The following ATG7 variants were observed in gnomAD, a reference collection of about 807,000 sequenced individuals.
The protein encoded by ATG7 is ubiquitin-like modifier-activating enzyme ATG7.
ATG7 carries 70 observed loss-of-function variants against 82.4 expected under a neutral mutation model. That is an observed-to-expected ratio of 0.85 (90% CI 0.70 to 1.04). The LOEUF (loss-of-function observed/expected upper bound fraction) is 1.04, where lower values mean the gene tolerates loss of function less well. ATG7 is among the 50% of genes least tolerant of loss of function. The pLI is 0.00. For missense variants in ATG7, 792 were observed against 864.3 expected, an observed-to-expected ratio of 0.92 and a Z score of 1.05; for synonymous variants, 287 against 313.0, an observed-to-expected ratio of 0.92 and a Z score of 0.88.
At chr3:11,307,191 T>C (rs1031786105) in intron 6 of ATG7, 131 bp downstream of exon 6, 16 of 836,548 alleles carry the variant, frequency 1.9e-5, no homozygotes, top group South Asian at 4.7e-5. Context: ...TTGTGGGCTT[T>C]GGTATATTTC....
chr3:11,331,375 C>T lies in ATG7; in HGVS notation c.714C>T (p.Ala238=), dbSNP rs528024913. Residue 238 remains alanine, a synonymous_variant, in exon 10 of 21, where the codon GCC becomes GCT. Coordinates refer to ENST00000693202, the MANE Select transcript of ATG7 (RefSeq NM_001349232.2). ...TIGVYDPCNL[A]QYPGWPLRNF... is the part of the protein sequence containing the mutation. ...GTGTATATGATCCCTGTAACTTAGC[C>T]CAGTACCCTGGATGGCCTTTGAGGA... The T allele has an allele frequency of 6.2e-7, 1 of 1,613,842 alleles. No homozygotes were observed. Among genetic ancestry groups the T allele is most frequent in the South Asian group, 1.1e-5 (1 of 91,070 alleles).
intron 3 of ATG7, among the ~76,000 whole-genome samples, chr3:11,298,235 T>C (rs1216647319): frequency 6.6e-6 from 1 of 151,606 alleles, no homozygotes; most frequent in Non-Finnish European, 1.5e-5. Context: ...CACAGGCCAA[T>C]TAGGATGGTT....
chr3:11,345,230 C>G (rs1954329021), intron 13 of ATG7, among the ~76,000 whole-genome samples: 1 of 152,020 alleles, frequency 6.6e-6, no homozygotes, highest in Non-Finnish European at 1.5e-5. Context: ...ACGGTTGAAA[C>G]CCCGTCTCTA....
At chr3:11,533,170 C>T (rs1301467809) in intron 20 of ATG7, among the ~76,000 whole-genome samples, 2 of 152,126 alleles carry the variant, frequency 1.3e-5, no homozygotes, top group Non-Finnish European at 2.9e-5. Flanking sequence ...TTGGGAGGCC[C>T]CTTTGGCTGG....
At position 11,412,215 on chromosome 3, in the gene ATG7, A is replaced by T. The variant is rs539215643; in HGVS notation, c.1957-14589A>T. On this transcript the variant is annotated intron_variant, in intron 19 of 20. Transcript: ENST00000693202. ...AGAAAATAAAAACTAGAGAGGGGTA[A>T]GGAAGCATCTGGTGCTGTGATCTGA... Among the ~76,000 whole-genome samples the T allele has an allele frequency of 3.4e-4, 52 of 152,098 alleles. 1 individual carries two copies. In the South Asian group the frequency reaches 0.011, roughly 32 times the overall value.
intron 20 of ATG7, among the ~76,000 whole-genome samples, chr3:11,432,140 T>A (rs545778613): frequency 6.6e-6 from 1 of 152,236 alleles, no homozygotes; most frequent in South Asian, 2.1e-4. Flanking sequence ...AGATGAATTG[T>A]TTTAGGTAGT....
In ATG7 at chr3:11,506,572, AAAAAAAAAAAAAC is replaced by A. The variant is rs1209245691; in HGVS notation, c.2080-48238_2080-48226del. On this transcript the variant is annotated intron_variant, in intron 20 of 20. Coordinates refer to ENST00000693202, the MANE Select transcript of ATG7 (RefSeq NM_001349232.2). ...ATCTCTACAAAAAAAAAAAAAAAAA[AAAAAAAAAAAAAC>A]CCAAAAATTAGCTGGGAGTGGTGGC... Among the ~76,000 whole-genome samples the A allele has an allele frequency of 1.1e-4, 15 of 136,594 alleles. 2 individuals are homozygous for A. In the East Asian group the frequency reaches 1.3e-3, roughly 12 times the overall value. 89.6% of individuals were successfully genotyped at this position (136,594 alleles called of 152,430 possible).
At chr3:11,532,269 C>T (rs919264709) in intron 20 of ATG7, among the ~76,000 whole-genome samples, 1 of 152,148 alleles carries the variant, frequency 6.6e-6, no homozygotes, top group Non-Finnish European at 1.5e-5. Context: ...AATGCATACT[C>T]GCTGATCTCA....
At chr3:11,384,119 T>C (rs1559511087) in intron 19 of ATG7, among the ~76,000 whole-genome samples, 1 of 152,236 alleles carries the variant, frequency 6.6e-6, no homozygotes. Context: ...TCAGGTGTTC[T>C]TTGCAATAAT....
intron 20 of ATG7, among the ~76,000 whole-genome samples, chr3:11,437,523 A>C (rs2083471873): frequency 6.6e-6 from 1 of 152,190 alleles, no homozygotes; most frequent in African/African-American, 2.4e-5. Flanking sequence ...GAGGATCTAA[A>C]TCCCAACCTG....
At chr3:11,503,671 G>A (rs1296040748) in intron 20 of ATG7, among the ~76,000 whole-genome samples, 4 of 146,608 alleles carry the variant, frequency 2.7e-5, no homozygotes, top group East Asian at 2.1e-4. Context: ...CAGGAGAATC[G>A]CCGGAACCCA....
intron 20 of ATG7, among the ~76,000 whole-genome samples, chr3:11,464,063 G>T (rs1021310928): frequency 1.3e-5 from 2 of 152,184 alleles, no homozygotes; most frequent in African/African-American, 4.8e-5. Flanking sequence ...AAAAACAACA[G>T]GTGTAGTATG....
At chr3:11,506,587 C>CAAAAAAAAAAAAAA (rs1275955326) in intron 20 of ATG7, among the ~76,000 whole-genome samples, 5 of 119,510 alleles carry the variant, frequency 4.2e-5, no homozygotes, top group African/African-American at 1.0e-4. Context: ...AAAAAAAACC[C>CAAAAAAAAAAAAAA]AAAAATTAGC....
At chr3:11,372,370 G>C (rs1052238922) in intron 18 of ATG7, among the ~76,000 whole-genome samples, 14 of 151,124 alleles carry the variant, frequency 9.3e-5, no homozygotes, top group African/African-American at 3.2e-4. Context: ...CAGGGAGAGG[G>C]AATGGAGGTA....
At chr3:11,440,748 A>G (rs545776728) in intron 20 of ATG7, among the ~76,000 whole-genome samples, 3 of 121,908 alleles carry the variant, frequency 2.5e-5, no homozygotes, top group Non-Finnish European at 4.7e-5. Flanking sequence ...CAATGGTGCA[A>G]TCTTGGCTCA....
intron 13 of ATG7, among the ~76,000 whole-genome samples, chr3:11,344,505 C>A (rs1954180901): frequency 6.6e-6 from 1 of 152,110 alleles, no homozygotes; most frequent in African/African-American, 2.4e-5. Flanking sequence ...AGAATAAACC[C>A]TATTTGTACG....
chr3:11,480,163 C>T (rs1418681965), intron 20 of ATG7, among the ~76,000 whole-genome samples: 1 of 152,120 alleles, frequency 6.6e-6, no homozygotes, highest in Non-Finnish European at 1.5e-5. Context: ...GATCTCCTGA[C>T]CTCGAGATCC....
intron 20 of ATG7, among the ~76,000 whole-genome samples, chr3:11,498,675 A>G (rs2091063137): frequency 6.6e-6 from 1 of 152,172 alleles, no homozygotes; most frequent in Non-Finnish European, 1.5e-5. Context: ...CTGACTCCAG[A>G]AGAGGCTGTG....
intron 20 of ATG7, among the ~76,000 whole-genome samples, chr3:11,551,511 T>C (rs2071779312): frequency 6.6e-6 from 1 of 152,258 alleles, no homozygotes. Flanking sequence ...GCAGCTGTTT[T>C]AGAGGCTTCA....
Sources: gnomAD v4.1 joint callset for allele counts (sites outside exome capture counted in the v4.1 genomes callset) on GRCh38, gnomAD v4.1.1 for gene constraint, MANE v1.5 for transcripts, NCBI Gene and HGNC (gene_info 2026-07-23, HGNC 2026-07-21) for gene names.